Variants in KCNT2 observed in about 807,000 individuals in gnomAD.
KCNT2 encodes potassium channel subfamily T member 2.
A neutral mutation model predicts 153.8 loss-of-function variants in KCNT2; 67 were observed. The ratio of observed to expected loss-of-function variants is 0.44; its 90% CI spans 0.36 to 0.53. The LOEUF (loss-of-function observed/expected upper bound fraction) is 0.53. KCNT2 is among the 20% of genes least tolerant of loss of function. KCNT2 has a pLI of 0.00. For synonymous variants in KCNT2, 500 were observed against 458.8 expected, an observed-to-expected ratio of 1.09 and a Z score of -1.15; for missense variants, 975 against 1,354.8, an observed-to-expected ratio of 0.72 and a Z score of 4.40.
intron 13 of KCNT2, among the ~76,000 whole-genome samples, chr1:196,389,000 TATG>T (rs1317082189): frequency 6.6e-6 from 1 of 151,760 alleles, no homozygotes; most frequent in Non-Finnish European, 1.5e-5. Flanking sequence ...ATAATAAAAA[TATG>T]ATGTTGCTTT....
At chr1:196,535,277 G>A (rs368283227) in intron 1 of KCNT2, among the ~76,000 whole-genome samples, 1 of 152,010 alleles carries the variant, frequency 6.6e-6, no homozygotes, top group East Asian at 1.9e-4. Flanking sequence ...TCTTTGATTT[G>A]GCTTTATTGT....
At chr1:196,319,138 C>A (rs190578286) in intron 20 of KCNT2, among the ~76,000 whole-genome samples, 1 of 151,654 alleles carries the variant, frequency 6.6e-6, no homozygotes, top group East Asian at 1.9e-4. Context: ...CAGAAGTTAT[C>A]GTAACGCTAT....
At position 196,282,313 on chromosome 1, in the gene KCNT2, A is replaced by G; in HGVS notation, c.2741T>C (p.Leu914Ser). Residue 914 changes from leucine (L) to serine (S), a missense_variant, in exon 24 of 28, where the codon TTG (leucine) becomes TCG (serine). Transcript: ENST00000294725. ...DYMISITRLL[L>S]GLDTTPGSGF... ...AGATCCTGGTGTAGTGTCCAGTCCC[A>G]ACAGAAGTCTCGTGATAGAAATCAT... The G allele has an allele frequency of 6.2e-7, 1 of 1,603,284 alleles. No homozygotes were observed. The highest frequency in any genetic ancestry group is 8.5e-7 in the Non-Finnish European group (1 of 1,170,666).
chr1:196,379,936 G>T (rs1047504767), intron 13 of KCNT2, among the ~76,000 whole-genome samples: 1 of 152,144 alleles, frequency 6.6e-6, no homozygotes, highest in South Asian at 2.1e-4. Context: ...AAGTATTATG[G>T]ATCATCACAA....
chr1:196,277,302 T>C (rs1658659207), intron 25 of KCNT2, among the ~76,000 whole-genome samples: 1 of 152,144 alleles, frequency 6.6e-6, no homozygotes, highest in Admixed American at 6.6e-5. Context: ...CTGCATTTCA[T>C]GGTGATCTGG....
intron 8 of KCNT2, among the ~76,000 whole-genome samples, chr1:196,451,148 T>C (rs1384752652): frequency 1.4e-5 from 2 of 148,116 alleles, no homozygotes; most frequent in Admixed American, 6.8e-5. Flanking sequence ...TAAAAGAAAT[T>C]CAAAATTACG....
chr1:196,365,257 A>G (rs1667941945), intron 14 of KCNT2, among the ~76,000 whole-genome samples: 1 of 152,088 alleles, frequency 6.6e-6, no homozygotes, highest in Non-Finnish European at 1.5e-5. Flanking sequence ...TAATTTTCAA[A>G]TAAATTTGTC....
At chr1:196,376,556 G>A (rs76762972) in intron 13 of KCNT2, among the ~76,000 whole-genome samples, 3,216 of 151,436 alleles carry the variant, frequency 0.021, 58 homozygotes, top group Non-Finnish European at 0.033. Context: ...AGGGATTGTG[G>A]ACTGTTATTC....
At chr1:196,353,308 C>CAAAAAAATAAGTAATTTTTT (rs1666898800) in intron 14 of KCNT2, among the ~76,000 whole-genome samples, 1 of 151,920 alleles carries the variant, frequency 6.6e-6, no homozygotes, top group African/African-American at 2.4e-5. Flanking sequence ...CCTCATCTCA[C>CAAAAAAATAAGTAATTTTTT]TGGGCTGGGG....
chr1:196,532,501 A>G (rs1435877212), intron 1 of KCNT2, among the ~76,000 whole-genome samples: 1 of 152,020 alleles, frequency 6.6e-6, no homozygotes, highest in African/African-American at 2.4e-5. Context: ...GAGAAAAGTT[A>G]CATATAATCC....
At chr1:196,275,231 C>A (rs923977062) in intron 25 of KCNT2, among the ~76,000 whole-genome samples, 1 of 151,726 alleles carries the variant, frequency 6.6e-6, no homozygotes, top group East Asian at 1.9e-4. Context: ...ATATGTTGTT[C>A]GAACCAGGAG....
chr1:196,266,450 G>GTCA (rs896335085), intron 25 of KCNT2, among the ~76,000 whole-genome samples: 9 of 152,074 alleles, frequency 5.9e-5, no homozygotes, highest in African/African-American at 2.2e-4. Flanking sequence ...ATACTCCATG[G>GTCA]TCATAACAGA....
intron 14 of KCNT2, among the ~76,000 whole-genome samples, chr1:196,363,536 G>A (rs903380721): frequency 1.3e-5 from 2 of 152,090 alleles, no homozygotes; most frequent in Non-Finnish European, 2.9e-5. Flanking sequence ...TTGGGAGGTG[G>A]GGCCTAATAA....
intron 8 of KCNT2, among the ~76,000 whole-genome samples, chr1:196,440,004 T>C (rs971384038): frequency 1.3e-5 from 2 of 151,912 alleles, no homozygotes; most frequent in Admixed American, 6.6e-5. Flanking sequence ...CATGTATACC[T>C]ATGTAACAAA....
intron 1 of KCNT2, among the ~76,000 whole-genome samples, chr1:196,569,816 C>T (rs944549472): frequency 1.3e-5 from 2 of 151,946 alleles, no homozygotes; most frequent in African/African-American, 2.4e-5. Context: ...CCCAAATTGG[C>T]CAGATTGGAA....
At chr1:196,490,361 T>A (rs2148728235) in intron 2 of KCNT2, among the ~76,000 whole-genome samples, 1 of 151,150 alleles carries the variant, frequency 6.6e-6, no homozygotes, top group African/African-American at 2.4e-5. Context: ...CTTCACAGAA[T>A]CTTGTAGATT....
chr1:196,351,344 T>A (rs1666675026), intron 14 of KCNT2, among the ~76,000 whole-genome samples: 1 of 152,220 alleles, frequency 6.6e-6, no homozygotes, highest in African/African-American at 2.4e-5. Flanking sequence ...GAGCATGGAA[T>A]GCTCTTCCAT....
intron 26 of KCNT2, among the ~76,000 whole-genome samples, chr1:196,249,673 T>C (rs1052764922): frequency 6.6e-6 from 1 of 151,836 alleles, no homozygotes; most frequent in African/African-American, 2.4e-5. Context: ...CTTGGGAGGC[T>C]GAGGCAGGCA....
intron 1 of KCNT2, among the ~76,000 whole-genome samples, chr1:196,544,952 G>A (rs1369619955): frequency 6.6e-6 from 1 of 151,954 alleles, no homozygotes; most frequent in Non-Finnish European, 1.5e-5. Flanking sequence ...AAAATAAAAA[G>A]TTTGGATTTA....
Sources: gnomAD v4.1 joint callset for allele counts (sites outside exome capture counted in the v4.1 genomes callset) on GRCh38, gnomAD v4.1.1 for gene constraint, MANE v1.5 for transcripts, NCBI Gene and HGNC (gene_info 2026-07-23, HGNC 2026-07-21) for gene names.